TMED3: variants seen among roughly 807,000 people sequenced by gnomAD.
The protein encoded by TMED3 is transmembrane p24 trafficking protein 3.
TMED3 carries 9 observed loss-of-function variants against 15.0 expected under a neutral mutation model. That is an observed-to-expected ratio of 0.60 (90% CI 0.36 to 1.04). The LOEUF (loss-of-function observed/expected upper bound fraction) is 1.04. Among genes scored for constraint, TMED3 ranks in the 50% least tolerant of loss-of-function variants. The probability of loss-of-function intolerance (pLI) is 0.01; values close to 1 mark genes in which losing one functional copy is unlikely to be tolerated. For synonymous variants in TMED3, 117 were observed against 121.4 expected, an observed-to-expected ratio of 0.96 and a Z score of 0.24; for missense variants, 267 against 278.9, an observed-to-expected ratio of 0.96 and a Z score of 0.30.
intron 2 of TMED3, among the ~76,000 whole-genome samples, chr15:79,385,660 C>T (rs1893616931): frequency 6.6e-6 from 1 of 152,210 alleles, no homozygotes; most frequent in Admixed American, 6.5e-5. Context: ...CTGCCTGTTC[C>T]TGGCAACCTC....
intron 2 of TMED3, chr15:79,314,632 G>A (rs1274442928): frequency 9.0e-6 from 4 of 443,662 alleles, no homozygotes; most frequent in Admixed American, 4.7e-5. Flanking sequence ...GTGGGAATAC[G>A]TATCACCTGC....
chr15:79,349,808 C>T (rs2141233101), intron 2 of TMED3, among the ~76,000 whole-genome samples: 1 of 152,304 alleles, frequency 6.6e-6, no homozygotes, highest in African/African-American at 2.4e-5. Flanking sequence ...GCCTAGAAGG[C>T]TCTATCTGAT....
Position 79,322,196 on chromosome 15 carries a change from C to T in TMED3, c.636C>T (p.Ser212=), listed in dbSNP as rs148679775. The change falls in exon 3 of 3, where the codon AGC becomes AGT. Residue 212 remains serine, a synonymous_variant. Coordinates refer to ENST00000299705, the MANE Select transcript of TMED3 (RefSeq NM_007364.4). ...KSFFTEKRPI[S]RAVHS ...TCTTCACAGAAAAACGACCCATCAGCAGGGCAGTCCACTCCTAGCCCCGGC... is the reference window on the plus strand; with the variant it reads ...TCTTCACAGAAAAACGACCCATCAGTAGGGCAGTCCACTCCTAGCCCCGGC... The T allele has an allele frequency of 4.3e-6, 7 of 1,613,680 alleles. No homozygotes were observed. The Admixed American group carries it at 1.2e-4, about 27-fold the overall frequency.
At chr15:79,409,544 G>C (rs1893943963) in intron 2 of TMED3, among the ~76,000 whole-genome samples, 1 of 152,210 alleles carries the variant, frequency 6.6e-6, no homozygotes, top group Non-Finnish European at 1.5e-5. Context: ...TTGTTTCCCA[G>C]TGTGAGCCTT....
At chr15:79,381,699 A>C (rs773006635) in intron 2 of TMED3, among the ~76,000 whole-genome samples, 5 of 152,188 alleles carry the variant, frequency 3.3e-5, no homozygotes, top group Non-Finnish European at 7.3e-5. Flanking sequence ...GTCTTATTAG[A>C]GCTACCTGCT....
chr15:79,400,106 C>T (rs1018191), intron 2 of TMED3, among the ~76,000 whole-genome samples: 44,822 of 152,048 alleles, frequency 0.29, 8,409 homozygotes, highest in Middle Eastern at 0.5. Flanking sequence ...CTAAAAGACC[C>T]GTCGAACTTG....
intron 2 of TMED3, chr15:79,384,402 G>A (rs1489941248): frequency 6.6e-6 from 1 of 152,416 alleles, no homozygotes; most frequent in South Asian, 2.1e-4. Flanking sequence ...GAATAGGAAA[G>A]AGTGTGGCAC....
intron 2 of TMED3, among the ~76,000 whole-genome samples, chr15:79,399,448 AAAG>A (rs1353801752): frequency 6.6e-6 from 1 of 152,168 alleles, no homozygotes; most frequent in Non-Finnish European, 1.5e-5. Flanking sequence ...AAAAAAGAGG[AAAG>A]AAAGGAGAAA....
intron 2 of TMED3, among the ~76,000 whole-genome samples, chr15:79,401,771 AAAG>A (rs980289067): frequency 1.3e-5 from 2 of 152,228 alleles, no homozygotes; most frequent in African/African-American, 2.4e-5. Flanking sequence ...AAGAATCAGA[AAAG>A]AAGATTTTCC....
intron 2 of TMED3, among the ~76,000 whole-genome samples, chr15:79,340,319 T>C (rs564422086): frequency 2.2e-4 from 33 of 152,242 alleles, no homozygotes; most frequent in Non-Finnish European, 3.5e-4. Context: ...CTGCAAGAGA[T>C]CAGGTTGTGG....
chr15:79,382,865 C>T (rs1893559581), intron 2 of TMED3: 5 of 1,084,450 alleles, frequency 4.6e-6, no homozygotes, highest in Non-Finnish European at 1.4e-6. Flanking sequence ...TATTATCTTT[C>T]ATGGGTATCT....
At chr15:79,412,758 T>C (rs2141262294) in exon 3 of TMED3, 1 of 152,640 alleles carries the variant, frequency 6.6e-6, no homozygotes, top group African/African-American at 2.4e-5. Flanking sequence ...CACATGTGAA[T>C]GAGGACAGAT....
At chr15:79,363,128 G>T (rs9788673) in intron 2 of TMED3, among the ~76,000 whole-genome samples, 2,208 of 152,244 alleles carry the variant, frequency 0.015, 85 homozygotes, top group East Asian at 0.11. Context: ...TGAATAAATA[G>T]ATTAGGAATA....
chr15:79,374,875 A>G (rs999790591), intron 2 of TMED3, among the ~76,000 whole-genome samples: 1 of 152,206 alleles, frequency 6.6e-6, no homozygotes, highest in African/African-American at 2.4e-5. Flanking sequence ...ACAGTCTAGG[A>G]GATGCTTCAA....
intron 2 of TMED3, among the ~76,000 whole-genome samples, chr15:79,356,966 CG>C: frequency 6.6e-6 from 1 of 151,936 alleles, no homozygotes; most frequent in East Asian, 1.9e-4. Context: ...TGATCTATTC[CG>C]GGAAACAAGG....
At chr15:79,314,242 T>C (rs2058731082) in intron 2 of TMED3, among the ~76,000 whole-genome samples, 1 of 151,616 alleles carries the variant, frequency 6.6e-6, no homozygotes, top group Admixed American at 6.6e-5. Flanking sequence ...CATTCCTGTC[T>C]CTACTCTTTC....
At chr15:79,361,861 A>G (rs1893133182) in intron 2 of TMED3, among the ~76,000 whole-genome samples, 1 of 152,230 alleles carries the variant, frequency 6.6e-6, no homozygotes. Context: ...GTGTCCATTT[A>G]TAAAATAAAT....
At chr15:79,376,091 G>GGTTTTTTT in intron 2 of TMED3, among the ~76,000 whole-genome samples, 1 of 118,842 alleles carries the variant, frequency 8.4e-6, no homozygotes, top group African/African-American at 3.6e-5. Flanking sequence ...TCTAGAGAAA[G>GGTTTTTTT]GTTTTTTTTT....
At chr15:79,320,634 T>G (rs2058762300) in intron 2 of TMED3, among the ~76,000 whole-genome samples, 1 of 152,200 alleles carries the variant, frequency 6.6e-6, no homozygotes. Context: ...GAGAACTCAC[T>G]GATAGGATAG....
Sources: gnomAD v4.1 joint callset for allele counts (sites outside exome capture counted in the v4.1 genomes callset) on GRCh38, gnomAD v4.1.1 for gene constraint, MANE v1.5 for transcripts, NCBI Gene and HGNC (gene_info 2026-07-23, HGNC 2026-07-21) for gene names.